Variants in PLEKHG4 observed in about 807,000 individuals in gnomAD.
PLEKHG4 encodes the protein pleckstrin homology and RhoGEF domain containing G4.
In PLEKHG4, 85 loss-of-function variants were observed where a neutral mutation model predicts 136.9. The observed-to-expected ratio is 0.62, with a 90% CI of 0.52 to 0.74. The LOEUF (loss-of-function observed/expected upper bound fraction) is 0.74. Among genes scored for constraint, PLEKHG4 ranks in the 30% least tolerant of loss-of-function variants. PLEKHG4 has a pLI of 0.00. For missense variants in PLEKHG4, 1,317 were observed against 1,527.8 expected (o/e 0.86, Z 2.30); for synonymous variants, 577 against 646.9 (o/e 0.89, Z 1.64).
In PLEKHG4 at chr16:67,280,534, C is replaced by T. The variant is rs1394863423; in HGVS notation, c.490C>T (p.Leu164=). The T allele has an allele frequency of 6.2e-7, 1 of 1,612,812 alleles. No homozygotes were observed. The change falls in exon 2 of 22, where the codon CTG becomes TTG. Residue 164 remains leucine (L), a synonymous_variant. Coordinates refer to ENST00000379344, the MANE Select transcript of PLEKHG4 (RefSeq NM_001129729.3). The surrounding 1 kb of genome is among the most constrained non-coding windows in gnomAD (Gnocchi z 4.4). Reference sequence around the variant, plus strand: ...CCCTTTATCAGAAATATCAAAGCTGCTGGAGGCAGGTAAGGAAGGCTGGGC... The same window carrying T: ...CCCTTTATCAGAAATATCAAAGCTGTTGGAGGCAGGTAAGGAAGGCTGGGC... ...GDPLSEISKL[L]EAAPSGSGLP...
Position 67,280,149 on chromosome 16 carries a change from G to A in PLEKHG4, c.105G>A (p.Glu35=), listed in dbSNP as rs747111056. ...VCSFRDAWEE[E]EPASQMHVKD... ...GTTTCAGGGATGCCTGGGAAGAGGAGGAACCTGCTTCCCAGATGCACGTTA... is the reference window on the plus strand; with the variant it reads ...GTTTCAGGGATGCCTGGGAAGAGGAAGAACCTGCTTCCCAGATGCACGTTA... The change falls in exon 2 of 22, where the codon GAG becomes GAA. Residue 35 remains glutamate, a synonymous_variant. Transcript: ENST00000379344. The surrounding 1 kb of genome is among the most constrained non-coding windows in gnomAD (Gnocchi z 4.4). The A allele has an allele frequency of 7.4e-6, 12 of 1,613,682 alleles. No individual in the cohort carries two copies. In the South Asian group the frequency reaches 1.1e-4, roughly 15 times the overall value.
At chr16:67,288,776 G>A in intron 21 of PLEKHG4, 27 bp from the exon 22 acceptor site, 2 of 1,613,616 alleles carry the variant, frequency 1.2e-6, no homozygotes, top group Non-Finnish European at 1.7e-6. Flanking sequence ...AGGGAAGCAG[G>A]CATTCATGCC....
In PLEKHG4 at chr16:67,287,195, C is replaced by T; in HGVS notation, c.3103+18C>T. 6.2e-7 allele frequency: 1 copy of T among 1,601,710 alleles called. No homozygotes were observed. Among genetic ancestry groups the T allele is most frequent in the Non-Finnish European group, 8.5e-7 (1 of 1,178,720 alleles). On this transcript the variant is annotated intron_variant, in intron 18 of 21. Transcript: ENST00000379344. ...CAACAAGGGTGGGTCCATGCCCCTC[C>T]TTCACGCCACACTCCCCTCACTGGA...
intron 1 of PLEKHG4, 113 bp from the exon 2 acceptor site, chr16:67,279,763 C>T: frequency 4.8e-6 from 2 of 412,592 alleles, no homozygotes; most frequent in Non-Finnish European, 8.9e-6. Context: ...CATGGGCCTG[C>T]AGAGCGTGGC....
At chr16:67,285,684 A>G (rs1010794377) in intron 14 of PLEKHG4, 148 bp downstream of exon 14, 1 of 857,100 alleles carries the variant, frequency 1.2e-6, no homozygotes, top group African/African-American at 1.7e-5. Context: ...CTCTTAGTCC[A>G]GTAGAGGAGA....
chr16:67,282,763 G>A lies in PLEKHG4; in HGVS notation c.1414G>A (p.Val472Met), dbSNP rs754249620. Residue 472 changes from valine (V) to methionine (M), a missense_variant, in exon 11 of 22, where the codon GTG becomes ATG. Coordinates refer to ENST00000379344, the MANE Select transcript of PLEKHG4 (RefSeq NM_001129729.3). ...LHQIEVWLQQ[V>M]GWPALEEAGE... is the part of the protein sequence containing the mutation. ...CCAGATTGAAGTGTGGCTGCAGCAG[G>A]TGGGCTGGCCAGCACTGGAGGAGGC... 6.2e-7 allele frequency: 1 copy of A among 1,613,596 alleles called. No homozygotes were observed. The highest frequency in any genetic ancestry group is 8.5e-7 in the Non-Finnish European group (1 of 1,180,026).
At chr16:67,283,138 G>T (rs781434422) in intron 11 of PLEKHG4, among the ~76,000 whole-genome samples, 23 of 152,072 alleles carry the variant, frequency 1.5e-4, no homozygotes, top group Non-Finnish European at 3.1e-4. Flanking sequence ...TGAGCTGAGA[G>T]TTGAAAGATA....
At position 67,286,441 on chromosome 16, in the gene PLEKHG4, A is replaced by T. The variant is rs182117947; in HGVS notation, c.2533-4A>T. 6.2e-7 allele frequency: 1 copy of T among 1,612,974 alleles called. No homozygotes were observed. Among genetic ancestry groups the T allele is most frequent in the African/African-American group, 1.3e-5 (1 of 75,032 alleles). Reference sequence around the variant, plus strand: ...CCACTCAGTGGCCTCCCATCCGCCCACAGGACAAGCAGCAAGCACTGGGGG... The same window carrying T: ...CCACTCAGTGGCCTCCCATCCGCCCTCAGGACAAGCAGCAAGCACTGGGGG... On this transcript the variant is annotated splice_region_variant and splice_polypyrimidine_tract_variant and intron_variant, in intron 15 of 21. Transcript: ENST00000379344.
chr16:67,285,454 A>G lies in PLEKHG4; in HGVS notation c.2360A>G (p.Asp787Gly). 1.9e-6 allele frequency: 3 copies of G among 1,614,090 alleles called. No homozygotes were observed. The highest frequency in any genetic ancestry group is 2.2e-5 in the South Asian group (2 of 91,090). The change falls in exon 14 of 22, where the codon GAC becomes GGC. Residue 787 changes from aspartate (D) to glycine (G), a missense_variant. Transcript: ENST00000379344. ...TTTGGCAACCTGGAGAAGCTGCGGG[A>G]CTTCCACTGCCACTTCTTCCTGCGT... ...HLFGNLEKLR[D>G]FHCHFFLREL...
upstream of PLEKHG4, chr16:67,279,305 G>A (rs2036097436): frequency 6.6e-6 from 1 of 152,328 alleles, no homozygotes; most frequent in African/African-American, 2.4e-5. Flanking sequence ...GGGGCCCGGG[G>A]GTGCGGCGGG....
chr16:67,283,444 A>C (rs1165469656), intron 11 of PLEKHG4, among the ~76,000 whole-genome samples: 1 of 152,140 alleles, frequency 6.6e-6, no homozygotes, highest in Non-Finnish European at 1.5e-5. Context: ...CCGAGTAGAC[A>C]GTGACTTGGA....
In PLEKHG4 at chr16:67,282,068, C is replaced by A. The variant is rs769349564; in HGVS notation, c.1065C>A (p.Ile355=). The A allele has an allele frequency of 4.3e-6, 7 of 1,613,524 alleles. No homozygotes were observed. The highest frequency in any genetic ancestry group is 1.3e-5 in the African/African-American group (1 of 74,940). The change falls in exon 8 of 22, where the codon ATC becomes ATA. Residue 355 remains isoleucine, a synonymous_variant. Coordinates refer to ENST00000379344, the MANE Select transcript of PLEKHG4 (RefSeq NM_001129729.3). Reference sequence around the variant, plus strand: ...CTTGTGCCCTGCTCCAGGGGGCCATCGAAAGTGTGAAGGCTGTGCCCCAGC... The same window carrying A: ...CTTGTGCCCTGCTCCAGGGGGCCATAGAAAGTGTGAAGGCTGTGCCCCAGC... ...QAACALLQGA[I]ESVKAVPQPM...
Position 67,282,011 on chromosome 16 carries a change from G to A in PLEKHG4, c.1008G>A (p.Arg336=). The change falls in exon 8 of 22, where the codon CGG becomes CGA. Residue 336 remains arginine, a splice_region_variant and synonymous_variant. Transcript: ENST00000379344. The stretch of plus-strand genomic sequence containing the variant: ...GTCATGCCTGCCCCTGCTTACAGCG[G>A]CTGGAAGCTCTACTACAGAACTGCC... ...CHQAWLDFRR[R]LEALLQNCQA... 6.2e-7 allele frequency: 1 copy of A among 1,612,906 alleles called. No homozygotes were observed. Among genetic ancestry groups the A allele is most frequent in the Non-Finnish European group, 8.5e-7 (1 of 1,179,566 alleles).
intron 4 of PLEKHG4, 32 bp from the exon 5 acceptor site, chr16:67,281,059 G>C (rs2036194676): frequency 6.2e-7 from 1 of 1,613,698 alleles, no homozygotes; most frequent in Non-Finnish European, 8.5e-7. Context: ...AGGACTGGGA[G>C]TCAGGTACTG....
At position 67,288,881 on chromosome 16, in the gene PLEKHG4, G is replaced by C. The variant is rs1322588305; in HGVS notation, c.*73G>C. On this transcript the variant is annotated 3_prime_UTR_variant, in exon 22 of 22. Transcript: ENST00000379344. ...AACATTGCCTCTCTGGATCTGCTGT[G>C]ACCAGGGTGTGGCTGACACCTGGGC... is the stretch of plus-strand genomic sequence containing the variant. The C allele has an allele frequency of 1.3e-6, 2 of 1,559,274 alleles. No homozygotes were observed. Among genetic ancestry groups the C allele is most frequent in the Non-Finnish European group, 1.8e-6 (2 of 1,138,760 alleles).
intron 11 of PLEKHG4, among the ~76,000 whole-genome samples, chr16:67,283,940 G>A (rs889536837): frequency 1.3e-5 from 2 of 152,210 alleles, no homozygotes; most frequent in Middle Eastern, 3.4e-3. Flanking sequence ...AATCAGGAGC[G>A]TGGGGAGGAG....
chr16:67,285,523 C>T lies in PLEKHG4; in HGVS notation c.2429C>T (p.Ala810Val), dbSNP rs1420861168. 4.4e-6 allele frequency: 7 copies of T among 1,608,892 alleles called. No individual in the cohort carries two copies. Among genetic ancestry groups the T allele is most frequent in the Admixed American group, 1.7e-5 (1 of 60,034 alleles). ...CGGCACCCACCACGAGTGGCCTATGCCTTCCTGCGCCATGTAAGCCCGACA... is the reference window on the plus strand; with the variant it reads ...CGGCACCCACCACGAGTGGCCTATGTCTTCCTGCGCCATGTAAGCCCGACA... ...CTRHPPRVAY[A>V]FLRHRVQFGM... Residue 810 changes from alanine (A) to valine (V), a missense_variant, in exon 14 of 22, where the codon GCC becomes GTC. Coordinates refer to ENST00000379344, the MANE Select transcript of PLEKHG4 (RefSeq NM_001129729.3).
Position 67,288,234 on chromosome 16 carries a change from G to A in PLEKHG4, c.3288G>A (p.Ser1096=), listed in dbSNP as rs759284532. The A allele has an allele frequency of 2.3e-5, 37 of 1,613,800 alleles. No individual in the cohort carries two copies. The highest frequency in any genetic ancestry group is 1.6e-4 in the Middle Eastern group (1 of 6,084). ...ATGACAGCCTCTACCTGGGGGCCTCGAACTCCCTTCCTGGAGACCCTGCCT... is the reference window on the plus strand; with the variant it reads ...ATGACAGCCTCTACCTGGGGGCCTCAAACTCCCTTCCTGGAGACCCTGCCT... ...FDHDSLYLGA[S]NSLPGDPASC... Residue 1096 remains serine (S), a synonymous_variant, in exon 20 of 22, where the codon TCG becomes TCA. Coordinates refer to ENST00000379344, the MANE Select transcript of PLEKHG4 (RefSeq NM_001129729.3).
Position 67,281,024 on chromosome 16 carries a change from G to C in PLEKHG4, c.719+19G>C. 1 of 1,614,066 alleles carries C rather than the reference G, an allele frequency of 6.2e-7. No homozygotes were observed. Among genetic ancestry groups the C allele is most frequent in the East Asian group, 2.2e-5 (1 of 44,878 alleles). On this transcript the variant is annotated intron_variant, in intron 4 of 21. Coordinates refer to ENST00000379344, the MANE Select transcript of PLEKHG4 (RefSeq NM_001129729.3). Reference sequence around the variant, plus strand: ...TCCCCAGGTTTGAGGGAGGGGGTTGGGAGACTGAGCCTGAGCCAGCTGTGA... The same window carrying C: ...TCCCCAGGTTTGAGGGAGGGGGTTGCGAGACTGAGCCTGAGCCAGCTGTGA...
Sources: allele counts gnomAD v4.1 joint callset (sites outside exome capture counted in the v4.1 genomes callset), GRCh38; gene constraint gnomAD v4.1.1; non-coding constraint Gnocchi (gnomAD v3.1); transcripts MANE v1.5; gene names NCBI Gene and HGNC (gene_info 2026-07-23, HGNC 2026-07-21).